The following FRMD4B variants were observed in gnomAD, a reference collection of about 807,000 sequenced individuals.
FRMD4B encodes FERM domain-containing protein 4B.
A neutral mutation model predicts 141.5 loss-of-function variants in FRMD4B; 74 were observed. That is an observed-to-expected ratio of 0.52 (90% CI 0.43 to 0.63). The LOEUF (loss-of-function observed/expected upper bound fraction) is 0.63. FRMD4B is among the 30% of genes least tolerant of loss of function. FRMD4B has a pLI of 0.00. For synonymous variants in FRMD4B, 506 were observed against 467.9 expected, an observed-to-expected ratio of 1.08 and a Z score of -1.05; for missense variants, 1,366 against 1,253.4, an observed-to-expected ratio of 1.09 and a Z score of -1.36.
intron 2 of FRMD4B, among the ~76,000 whole-genome samples, chr3:69,393,329 C>CAA (rs3032132): frequency 0.016 from 1,977 of 126,156 alleles, 64 homozygotes; most frequent in Admixed American, 0.018. Context: ...TGAAGAAGTA[C>CAA]AAAAAAAAAA....
chr3:69,311,746 G>A (rs890278494), intron 2 of FRMD4B, among the ~76,000 whole-genome samples: 1 of 152,034 alleles, frequency 6.6e-6, no homozygotes, highest in African/African-American at 2.4e-5. Context: ...AAGATTGCAG[G>A]AAACATTTTG....
intron 1 of FRMD4B, among the ~76,000 whole-genome samples, chr3:69,527,351 A>C (rs187549882): frequency 2.8e-3 from 424 of 152,252 alleles, no homozygotes; most frequent in African/African-American, 9.9e-3. Context: ...GGTGGAGCGC[A>C]AACCTGCCAA....
At chr3:69,245,654 A>AT (rs2093419682) in intron 7 of FRMD4B, among the ~76,000 whole-genome samples, 1 of 122,746 alleles carries the variant, frequency 8.1e-6, no homozygotes, top group Non-Finnish European at 1.6e-5. Context: ...GCCTTGGCTG[A>AT]TTTTCTTTTC....
At chr3:69,447,281 C>T (rs1406451049) in intron 1 of FRMD4B, among the ~76,000 whole-genome samples, 1 of 152,026 alleles carries the variant, frequency 6.6e-6, no homozygotes, top group Non-Finnish European at 1.5e-5. Flanking sequence ...GTTATTGTAC[C>T]TATTTCATAT....
intron 1 of FRMD4B, among the ~76,000 whole-genome samples, chr3:69,342,703 G>C (rs969365121): frequency 7.2e-5 from 11 of 152,148 alleles, no homozygotes; most frequent in African/African-American, 2.7e-4. Flanking sequence ...ATCATCTACA[G>C]TGATTAGATC....
chr3:69,222,698 G>A (rs1447960613), intron 8 of FRMD4B, among the ~76,000 whole-genome samples: 1 of 152,146 alleles, frequency 6.6e-6, no homozygotes. Context: ...TTGAACCCAG[G>A]AGGTGGAGGC....
At chr3:69,330,661 T>C (rs1314554619) in intron 1 of FRMD4B, among the ~76,000 whole-genome samples, 1 of 151,000 alleles carries the variant, frequency 6.6e-6, no homozygotes, top group Non-Finnish European at 1.5e-5. Context: ...TTTTTTTCCT[T>C]ATCTATGTAT....
chr3:69,207,643 AC>A (rs1289507747), intron 11 of FRMD4B, among the ~76,000 whole-genome samples: 1 of 152,038 alleles, frequency 6.6e-6, no homozygotes, highest in Non-Finnish European at 1.5e-5. Context: ...CCCCGTCTCT[AC>A]TAAAAATACA....
At position 69,302,373 on chromosome 3, in the gene FRMD4B, G is replaced by T; in HGVS notation, c.386C>A (p.Pro129Gln). The T allele has an allele frequency of 6.2e-7, 1 of 1,607,846 alleles. No homozygotes were observed. The highest frequency in any genetic ancestry group is 8.5e-7 in the Non-Finnish European group (1 of 1,175,570). ...AGCAAAGTGCAAAATGGTTGGGCCT[G>T]GTTTCTTGGGCAAATCGTGGTCAAG... ...RVLDHDLPKK[P>Q]GPTILHFAVR... The change falls in exon 4 of 23, where the codon CCA (proline) becomes CAA (glutamine). Residue 129 changes from proline to glutamine, a missense_variant. By Grantham distance (76) the Pro-to-Gln change is moderately conservative. Coordinates refer to ENST00000398540, the MANE Select transcript of FRMD4B (RefSeq NM_015123.3).
At chr3:69,493,694 T>C (rs1706339772) in intron 1 of FRMD4B, among the ~76,000 whole-genome samples, 1 of 152,058 alleles carries the variant, frequency 6.6e-6, no homozygotes. Flanking sequence ...ATTCTCTCTC[T>C]CTCTCTCCAT....
At chr3:69,338,345 T>C (rs1454608641) in intron 1 of FRMD4B, among the ~76,000 whole-genome samples, 2 of 152,064 alleles carry the variant, frequency 1.3e-5, no homozygotes, top group Non-Finnish European at 2.9e-5. Context: ...TTAGGAGATA[T>C]ACCTAATGTT....
chr3:69,216,999 T>C (rs1333156647), intron 10 of FRMD4B, among the ~76,000 whole-genome samples: 2 of 150,638 alleles, frequency 1.3e-5, no homozygotes, highest in African/African-American at 2.4e-5. Context: ...AAAAAAAAGC[T>C]CTTTGCCTCT....
intron 8 of FRMD4B, among the ~76,000 whole-genome samples, chr3:69,223,560 C>T (rs1192025795): frequency 6.6e-6 from 1 of 151,880 alleles, no homozygotes; most frequent in African/African-American, 2.4e-5. Flanking sequence ...CGCGCTTGGT[C>T]GGGCCCGGTG....
intron 21 of FRMD4B, among the ~76,000 whole-genome samples, chr3:69,178,157 A>G (rs962360283): frequency 5.3e-5 from 8 of 152,154 alleles, no homozygotes; most frequent in Admixed American, 2.0e-4. Context: ...AAGACTCAAA[A>G]ACCAGCACTG....
At chr3:69,283,429 C>CAAAAAAA (rs59444542) in intron 5 of FRMD4B, among the ~76,000 whole-genome samples, 2 of 139,456 alleles carry the variant, frequency 1.4e-5, no homozygotes, top group African/African-American at 2.7e-5. Context: ...GCAACAACAA[C>CAAAAAAA]AAAAAAAAAA....
At chr3:69,377,276 T>G (rs1485015888) in intron 1 of FRMD4B, among the ~76,000 whole-genome samples, 3 of 152,232 alleles carry the variant, frequency 2.0e-5, no homozygotes, top group African/African-American at 7.2e-5. Context: ...TTCTCTCCTT[T>G]CTGTATGTGT....
rs537803364 is a variant in FRMD4B at position 69,180,286 on chromosome 3, C to T, written c.2851+613G>A. Among the ~76,000 whole-genome samples, 14 of 144,164 alleles carry T rather than the reference C, an allele frequency of 9.7e-5. No individual in the cohort carries two copies. In the South Asian group the frequency reaches 3.2e-3, roughly 33 times the overall value. The allele number at this position is 144,164 out of a possible 152,430, so 94.6% of individuals were successfully genotyped here. On this transcript the variant is annotated intron_variant, in intron 21 of 22. Coordinates refer to ENST00000398540, the MANE Select transcript of FRMD4B (RefSeq NM_015123.3). ...AAAAAAAAAAGCAAATTACTTAGAA[C>T]AGTGCTTAATCAATGCCAGCTCCTA...
At chr3:69,224,403 A>G (rs1217175074) in intron 8 of FRMD4B, among the ~76,000 whole-genome samples, 1 of 152,234 alleles carries the variant, frequency 6.6e-6, no homozygotes, top group Non-Finnish European at 1.5e-5. Flanking sequence ...AATGACTGCA[A>G]GACACATCTT....
chr3:69,220,512 C>A (rs550958001), intron 9 of FRMD4B, among the ~76,000 whole-genome samples: 9 of 152,270 alleles, frequency 5.9e-5, no homozygotes, highest in Non-Finnish European at 1.0e-4. Flanking sequence ...AAGATGCTAA[C>A]TTCTGATTTC....
Sources: allele counts gnomAD v4.1 joint callset (sites outside exome capture counted in the v4.1 genomes callset), GRCh38; gene constraint gnomAD v4.1.1; transcripts MANE v1.5; gene names NCBI Gene and HGNC (gene_info 2026-07-23, HGNC 2026-07-21).